ITGB8: variants seen among roughly 807,000 people sequenced by gnomAD.
ITGB8 encodes integrin subunit beta 8.
Under a neutral mutation model 89.5 loss-of-function variants are expected in ITGB8, and 30 were observed. The observed-to-expected ratio is 0.34, with a 90% CI of 0.25 to 0.45. The LOEUF is 0.45. Ranked by LOEUF, ITGB8 falls within the 20% of genes least tolerant of loss-of-function variation. ITGB8 has a pLI of 1.00. For missense variants in ITGB8, 836 were observed against 933.3 expected (o/e 0.90, Z 1.36); for synonymous variants, 335 against 320.4 (o/e 1.05, Z -0.49).
chr7:20,407,816 C>T (rs577563822), intron 12 of ITGB8, among the ~76,000 whole-genome samples: 1 of 152,302 alleles, frequency 6.6e-6, no homozygotes, highest in African/African-American at 2.4e-5. Flanking sequence ...CCCGGCCTGA[C>T]CTAAACTAAG....
chr7:20,344,863 C>G (rs1331448557), intron 1 of ITGB8, among the ~76,000 whole-genome samples: 1 of 152,222 alleles, frequency 6.6e-6, no homozygotes, highest in Non-Finnish European at 1.5e-5. Context: ...ACATACTGAA[C>G]TCTTACACTG....
rs1787714833 is a variant in ITGB8, at chr7:20,410,319, C to G, written c.*322C>G. 3.9e-6 allele frequency: 1 copy of G among 254,868 alleles called. No individual in the cohort carries two copies. The highest frequency in any genetic ancestry group is 2.3e-5 in the African/African-American group (1 of 43,296). 15.8% of individuals were successfully genotyped at this position (254,868 alleles called of 1,614,324 possible). Reference sequence around the variant, plus strand: ...TTACACTTTACAGGTACCTGTTATCCCTACGCTTCCCAGAGAGAACAATGC... The same window carrying G: ...TTACACTTTACAGGTACCTGTTATCGCTACGCTTCCCAGAGAGAACAATGC... On this transcript the variant is annotated 3_prime_UTR_variant, in exon 14 of 14. Coordinates refer to ENST00000222573, the MANE Select transcript of ITGB8 (RefSeq NM_002214.3).
chr7:20,395,235 T>C (rs546939285), intron 8 of ITGB8, among the ~76,000 whole-genome samples: 1 of 152,348 alleles, frequency 6.6e-6, no homozygotes, highest in Admixed American at 6.5e-5. Flanking sequence ...CTATCTAAAT[T>C]TCCTTCTACA....
At position 20,360,986 on chromosome 7, in the gene ITGB8, CT is replaced by C. The variant is rs922373095; in HGVS notation, c.128-2642del. ...ATATAATCACTTGGAAAAAACGTTC[CT>C]TTTTTTTTCACAACCTTGCCAGCAT... On this transcript the variant is annotated intron_variant, in intron 1 of 13. Coordinates refer to ENST00000222573, the MANE Select transcript of ITGB8 (RefSeq NM_002214.3). Among the ~76,000 whole-genome samples the C allele has an allele frequency of 5.6e-4, 78 of 139,272 alleles. 1 individual carries two copies. Among genetic ancestry groups the C allele is most frequent in the African/African-American group, 1.9e-3 (73 of 37,562 alleles). The allele number at this position is 139,272 out of a possible 152,430, so 91.4% of individuals were successfully genotyped here. A position where few individuals can be genotyped will look rare whatever the true frequency, so the allele number is the denominator to read the frequency against.
chr7:20,392,795 G>A (rs1786917704), intron 7 of ITGB8, among the ~76,000 whole-genome samples: 1 of 152,286 alleles, frequency 6.6e-6, no homozygotes, highest in South Asian at 2.1e-4. Context: ...CTGACTTAGT[G>A]AAACTTTATT....
At chr7:20,371,604 A>C (rs1785936299) in intron 3 of ITGB8, among the ~76,000 whole-genome samples, 1 of 152,210 alleles carries the variant, frequency 6.6e-6, no homozygotes, top group Non-Finnish European at 1.5e-5. Flanking sequence ...TATGCTCCTG[A>C]ATATAATATC....
chr7:20,341,794 G>T (rs1310415596), intron 1 of ITGB8, among the ~76,000 whole-genome samples: 1 of 151,908 alleles, frequency 6.6e-6, no homozygotes, highest in African/African-American at 2.4e-5. Context: ...TCTGGTTATA[G>T]ACTTGTCTGG....
At chr7:20,409,051 A>C (rs981888901) in intron 12 of ITGB8, among the ~76,000 whole-genome samples, 3 of 152,174 alleles carry the variant, frequency 2.0e-5, no homozygotes, top group African/African-American at 7.2e-5. Flanking sequence ...AAGAATGAAA[A>C]TTTACACTTC....
At position 20,401,914 on chromosome 7, in the gene ITGB8, T is replaced by G; in HGVS notation, c.1475T>G (p.Phe492Cys). The change falls in exon 10 of 14, where the codon TTC (phenylalanine) becomes TGC (cysteine). Residue 492 changes from phenylalanine (F) to cysteine (C), a missense_variant. By Grantham distance (205) the Phe-to-Cys change is radical. Coordinates refer to ENST00000222573, the MANE Select transcript of ITGB8 (RefSeq NM_002214.3). ...GAAACTTTTCTAGATTCCAAGTGTT[T>G]CCAGTGTGATGAGAATAAATGTCAT... ...VDETFLDSKC[F>C]QCDENKCHFD... 1 of 1,613,808 alleles carries G rather than the reference T, an allele frequency of 6.2e-7. No homozygotes were observed. Among genetic ancestry groups the G allele is most frequent in the Non-Finnish European group, 8.5e-7 (1 of 1,179,898 alleles).
At position 20,394,914 on chromosome 7, in the gene ITGB8, C is replaced by T; in HGVS notation, c.1075C>T (p.Pro359Ser). 1.9e-6 allele frequency: 3 copies of T among 1,612,870 alleles called. No homozygotes were observed. Among genetic ancestry groups the T allele is most frequent in the Non-Finnish European group, 2.5e-6 (3 of 1,178,874 alleles). Residue 359 changes from proline to serine, a missense_variant, in exon 8 of 14, where the codon CCA becomes TCA. Pro to Ser is a moderately conservative substitution (Grantham distance 74). Around this residue, in one of 5 missense-constraint regions of ITGB8, gnomAD observed 192 missense variants for 267.1 expected, o/e 0.72. Transcript: ENST00000222573. ...HWYKDLLPLL[P>S]GTIAGEIESK... ...TTTATAGGATCTTCTACCCCTCTTG[C>T]CAGGCACCATTGCTGGTGAAATAGA...
rs916808319 is a variant in ITGB8 at position 20,413,702 on chromosome 7, C to A, written c.*3705C>A. ...GTCTTTGCCCCTGAACAAAGACAGA[C>A]CCATTAAAATCTAAGAATTCTAAAT... On this transcript the variant is annotated 3_prime_UTR_variant, in exon 14 of 14. Transcript: ENST00000222573. The A allele has an allele frequency of 4.6e-5, 7 of 151,986 alleles. No individual in the cohort carries two copies. Among genetic ancestry groups the A allele is most frequent in the African/African-American group, 1.4e-4 (6 of 41,400 alleles). The allele number at this position is 151,986 out of a possible 1,614,324, so 9.4% of individuals were successfully genotyped here.
rs1337223505 is a variant in ITGB8, at chr7:20,339,464, T to C, written c.127+7531T>C. 4.6e-5 allele frequency among the ~76,000 whole-genome samples: 7 copies of C among 152,314 alleles called. No individual in the cohort carries two copies. The East Asian group carries it at 9.6e-4, about 21-fold the overall frequency. On this transcript the variant is annotated intron_variant, in intron 1 of 13. Coordinates refer to ENST00000222573, the MANE Select transcript of ITGB8 (RefSeq NM_002214.3). ...GTATTGAAAGTCAGAATGATTTCCA[T>C]TGGGATTTTATAATTTAATTAAAAC...
At chr7:20,372,771 G>A (rs760677947) in intron 3 of ITGB8, among the ~76,000 whole-genome samples, 8 of 152,124 alleles carry the variant, frequency 5.3e-5, no homozygotes, top group Non-Finnish European at 7.4e-5. Context: ...ATTGTCTAAC[G>A]TGTGTAAGTC....
chr7:20,400,614 C>T (rs575028287), intron 9 of ITGB8, among the ~76,000 whole-genome samples: 3 of 152,136 alleles, frequency 2.0e-5, no homozygotes, highest in African/African-American at 7.2e-5. Context: ...ACCAAAGTAC[C>T]TAAAGATGGT....
rs1227178829 is a variant in ITGB8 at position 20,402,019 on chromosome 7, T to A, written c.1580T>A (p.Val527Asp). Reference protein sequence around the residue: ...QPVCSGRGVCVCGKCSCHKIK... With the variant: ...QPVCSGRGVCDCGKCSCHKIK... Reference sequence around the variant, plus strand: ...GTTTGCAGTGGTCGAGGAGTTTGTGTTTGTGGGAAATGTTCATGTCACAAA... The same window carrying A: ...GTTTGCAGTGGTCGAGGAGTTTGTGATTGTGGGAAATGTTCATGTCACAAA... The change falls in exon 10 of 14, where the codon GTT (valine) becomes GAT (aspartate). Residue 527 changes from valine to aspartate, a missense_variant. Physicochemically the swap from Val to Asp is radical, Grantham distance 152. Transcript: ENST00000222573. 6.2e-7 allele frequency: 1 copy of A among 1,614,166 alleles called. No homozygotes were observed.
At chr7:20,387,971 C>T (rs925425063) in intron 6 of ITGB8, among the ~76,000 whole-genome samples, 3 of 152,118 alleles carry the variant, frequency 2.0e-5, no homozygotes, top group Non-Finnish European at 4.4e-5. Context: ...TATCTTATTA[C>T]AATATTCCAT....
At chr7:20,360,738 G>A (rs1376750798) in intron 1 of ITGB8, among the ~76,000 whole-genome samples, 1 of 151,674 alleles carries the variant, frequency 6.6e-6, no homozygotes, top group Non-Finnish European at 1.5e-5. Flanking sequence ...TTTTCTTTGT[G>A]CACTCTTCCA....
intron 5 of ITGB8, 154 bp downstream of exon 5, chr7:20,380,985 G>A (rs1009625603): frequency 7.8e-6 from 5 of 638,052 alleles, no homozygotes; most frequent in Non-Finnish European, 1.1e-5. Context: ...GATTCATTTC[G>A]GTATGTGTTT....
intron 1 of ITGB8, among the ~76,000 whole-genome samples, chr7:20,333,404 G>T (rs2128123849): frequency 6.6e-6 from 1 of 152,244 alleles, no homozygotes; most frequent in Non-Finnish European, 1.5e-5. Context: ...TTTCCGCTAA[G>T]CATAATTTCA....
Sources: gnomAD v4.1 joint callset for allele counts (sites outside exome capture counted in the v4.1 genomes callset) on GRCh38, gnomAD v4.1.1 for gene constraint, gnomAD v4.1.1 regional missense constraint, MANE v1.5 for transcripts, NCBI Gene and HGNC (gene_info 2026-07-23, HGNC 2026-07-21) for gene names.